Variants in INPP5F observed in about 807,000 individuals in gnomAD.
INPP5F encodes phosphatidylinositide 4-phosphatase SAC2.
A neutral mutation model predicts 137.2 loss-of-function variants in INPP5F; 97 were observed. The observed-to-expected ratio is 0.71, with a 90% CI of 0.60 to 0.84. The LOEUF (loss-of-function observed/expected upper bound fraction) is 0.84. Among genes scored for constraint, INPP5F ranks in the 40% least tolerant of loss-of-function variants. The pLI, the probability that INPP5F is intolerant of heterozygous loss-of-function variation, is 0.00. For missense variants in INPP5F, 1,271 were observed against 1,371.9 expected (o/e 0.93, Z 1.16); for synonymous variants, 504 against 476.9 (o/e 1.06, Z -0.74).
chr10:119,800,983 A>G (rs1289080418), intron 9 of INPP5F, among the ~76,000 whole-genome samples: 2 of 151,190 alleles, frequency 1.3e-5, no homozygotes, highest in Admixed American at 6.6e-5. Context: ...AGGGATACCA[A>G]GTTTTGACAA....
At chr10:119,818,697 C>G (rs1851400312) in intron 15 of INPP5F, 1 of 152,354 alleles carries the variant, frequency 6.6e-6, no homozygotes, top group Non-Finnish European at 1.5e-5. Context: ...TGACTTGGCA[C>G]TGCCGCGTCG....
intron 18 of INPP5F, 52 bp from the exon 19 acceptor site, chr10:119,823,763 T>G: frequency 7.1e-7 from 1 of 1,416,668 alleles, no homozygotes; most frequent in Non-Finnish European, 9.9e-7. Flanking sequence ...AACTGCTATT[T>G]TTTTTAGTAT....
chr10:119,826,870 G>A lies in INPP5F; in HGVS notation c.2489G>A (p.Ser830Asn), dbSNP rs749029494. The change falls in exon 20 of 20, where the codon AGT becomes AAT. Residue 830 changes from serine (S) to asparagine (N), a missense_variant. Transcript: ENST00000650623. ...LKVNLWKSDS[S>N]LETMENTGVM... ...GTAAATCTTTGGAAATCAGATAGTA[G>A]TCTTGAAACTATGGAAAACACAGGA... 6.2e-7 allele frequency: 1 copy of A among 1,614,076 alleles called. No individual in the cohort carries two copies. Among genetic ancestry groups the A allele is most frequent in the East Asian group, 2.2e-5 (1 of 44,894 alleles).
intron 1 of INPP5F, among the ~76,000 whole-genome samples, chr10:119,745,263 T>G (rs1848496489): frequency 6.6e-6 from 1 of 152,152 alleles, no homozygotes. Context: ...GTTCATCTCC[T>G]CCTGTGGATT....
At chr10:119,798,034 G>GTT (rs71019721) in intron 8 of INPP5F, among the ~76,000 whole-genome samples, 49 of 147,896 alleles carry the variant, frequency 3.3e-4, no homozygotes, top group South Asian at 6.3e-4. Flanking sequence ...TTCTGTGAAA[G>GTT]TTTTTTTTTT....
At chr10:119,744,625 C>G (rs1386564851) in intron 1 of INPP5F, among the ~76,000 whole-genome samples, 1 of 152,124 alleles carries the variant, frequency 6.6e-6, no homozygotes, top group African/African-American at 2.4e-5. Context: ...CATCAGAGCT[C>G]ACTGCAGCCT....
chr10:119,775,677 A>G (rs1589701796), intron 2 of INPP5F, among the ~76,000 whole-genome samples: 1 of 150,896 alleles, frequency 6.6e-6, no homozygotes, highest in Admixed American at 6.6e-5. Context: ...AAAAAAAAAA[A>G]GTTGAACATC....
chr10:119,788,950 G>C (rs1211818128), intron 3 of INPP5F, among the ~76,000 whole-genome samples: 1 of 152,204 alleles, frequency 6.6e-6, no homozygotes, highest in African/African-American at 2.4e-5. Context: ...TGTTGGCCGG[G>C]CGCAGTGGCT....
chr10:119,823,130 T>C lies in INPP5F; in HGVS notation c.2092T>C (p.Tyr698His). The change falls in exon 18 of 20, where the codon TAC (tyrosine) becomes CAC (histidine). Residue 698 changes from tyrosine to histidine, a missense_variant. Physicochemically the swap from Tyr to His is moderately conservative, Grantham distance 83. Transcript: ENST00000650623. ...KFSCMRLHYR[Y>H]KEASGYFHTL... ...CTCCTGCATGCGACTGCACTACAGATACAAAGAAGCGAGTGGCTATTTCCA... is the reference window on the plus strand; with the variant it reads ...CTCCTGCATGCGACTGCACTACAGACACAAAGAAGCGAGTGGCTATTTCCA... The C allele has an allele frequency of 6.2e-7, 1 of 1,614,138 alleles. No individual in the cohort carries two copies. The highest frequency in any genetic ancestry group is 8.5e-7 in the Non-Finnish European group (1 of 1,179,974).
intron 1 of INPP5F, 52 bp downstream of exon 1, chr10:119,726,411 AG>A (rs1847891161): frequency 2.8e-6 from 3 of 1,061,974 alleles, no homozygotes; most frequent in South Asian, 3.6e-5. Flanking sequence ...CGGGGAGAGG[AG>A]GGGGCGCGGC....
chr10:119,791,511 A>G lies in INPP5F; in HGVS notation c.316-6A>G, dbSNP rs779618582. 9 of 1,590,882 alleles carry G rather than the reference A, an allele frequency of 5.7e-6. No homozygotes were observed. In the Admixed American group the frequency reaches 1.4e-4, roughly 24 times the overall value. On this transcript the variant is annotated splice_polypyrimidine_tract_variant and splice_region_variant and intron_variant, in intron 3 of 19. Coordinates refer to ENST00000650623, the MANE Select transcript of INPP5F (RefSeq NM_014937.4). ...AATAACAAATCATCTTTCTCTTCCT[A>G]TTTAGCTCTGTAAGAAGCATCATTT...
At chr10:119,819,666 A>G (rs1172563714) in intron 15 of INPP5F, 2 of 586,658 alleles carry the variant, frequency 3.4e-6, no homozygotes, top group African/African-American at 3.8e-5. Context: ...GGCTCCTAGA[A>G]TCGATCTGTG....
intron 6 of INPP5F, among the ~76,000 whole-genome samples, chr10:119,794,991 T>C (rs1484431135): frequency 8.9e-6 from 1 of 112,194 alleles, no homozygotes; most frequent in African/African-American, 3.5e-5. Context: ...GAGGCGCCCC[T>C]CACTTCCCGG....
At chr10:119,783,253 T>A (rs535512053) in intron 3 of INPP5F, among the ~76,000 whole-genome samples, 1 of 152,318 alleles carries the variant, frequency 6.6e-6, no homozygotes, top group African/African-American at 2.4e-5. Context: ...TTGCTGGCAG[T>A]GTCTTTTGGA....
chr10:119,789,130 C>A (rs1850035421), intron 3 of INPP5F, among the ~76,000 whole-genome samples: 1 of 151,302 alleles, frequency 6.6e-6, no homozygotes, highest in African/African-American at 2.4e-5. Context: ...GAGGCTGAGG[C>A]AGGAGAATTG....
Position 119,726,056 on chromosome 10 carries a change from C to A in INPP5F, c.-207C>A. 1 of 362,462 alleles carries A rather than the reference C, an allele frequency of 2.8e-6. No individual in the cohort carries two copies. The allele number at this position is 362,462 out of a possible 1,614,324, so 22.5% of individuals were successfully genotyped here. ...GAAGGGGAGGAGCGGGGGGGAGAGG[C>A]CTCTACGGCCGCCGCTGCCGCCGCC... On this transcript the variant is annotated 5_prime_UTR_variant, in exon 1 of 20. Coordinates refer to ENST00000650623, the MANE Select transcript of INPP5F (RefSeq NM_014937.4).
intron 2 of INPP5F, among the ~76,000 whole-genome samples, chr10:119,769,072 A>G (rs1382164569): frequency 1.3e-5 from 2 of 152,216 alleles, no homozygotes; most frequent in Non-Finnish European, 2.9e-5. Context: ...AGAGAACTTC[A>G]GTTTTATCTG....
intron 2 of INPP5F, among the ~76,000 whole-genome samples, chr10:119,775,840 C>T (rs1479200389): frequency 6.6e-6 from 1 of 152,018 alleles, no homozygotes; most frequent in Non-Finnish European, 1.5e-5. Context: ...AAGCCTGGGG[C>T]ACATTATTTG....
intron 2 of INPP5F, among the ~76,000 whole-genome samples, chr10:119,772,603 G>C (rs1185074966): frequency 6.6e-6 from 1 of 152,020 alleles, no homozygotes; most frequent in Non-Finnish European, 1.5e-5. Context: ...AGGTCCTTCT[G>C]CTCTGAGATG....
Sources: gnomAD v4.1 joint callset for allele counts (sites outside exome capture counted in the v4.1 genomes callset) on GRCh38, gnomAD v4.1.1 for gene constraint, MANE v1.5 for transcripts, NCBI Gene and HGNC (gene_info 2026-07-23, HGNC 2026-07-21) for gene names.